FDXR: variants seen among roughly 807,000 people sequenced by gnomAD.
FDXR encodes NADPH:adrenodoxin oxidoreductase, mitochondrial.
FDXR carries 38 observed loss-of-function variants against 58.3 expected under a neutral mutation model. The ratio of observed to expected loss-of-function variants is 0.65; its 90% confidence interval spans 0.50 to 0.85. The LOEUF is 0.85. Ranked by LOEUF, FDXR falls within the 40% of genes least tolerant of loss-of-function variation. The pLI is 0.00. For missense variants in FDXR, 624 were observed against 671.0 expected (o/e 0.93, Z 0.77); for synonymous variants, 275 against 273.8 (o/e 1.00, Z -0.04).
chr17:74,871,085 G>A (rs1178748310), intron 2 of FDXR, among the ~76,000 whole-genome samples: 1 of 152,144 alleles, frequency 6.6e-6, no homozygotes, highest in African/African-American at 2.4e-5. Flanking sequence ...TTACAGACAT[G>A]AGCCACCTGG....
chr17:74,872,832 C>T, intron 1 of FDXR, 34 bp downstream of exon 1: 2 of 1,544,138 alleles, frequency 1.3e-6, no homozygotes, highest in Non-Finnish European at 1.7e-6. Context: ...CCTCCCCGCG[C>T]TCCCATCCAG....
chr17:74,870,081 A>G (rs2038320687), intron 2 of FDXR: 1 of 404,578 alleles, frequency 2.5e-6, no homozygotes, highest in Non-Finnish European at 5.3e-6. Flanking sequence ...TCTTAGGAGC[A>G]CAGCCAGTAG....
In FDXR at chr17:74,872,940, G is replaced by GCCAT; in HGVS notation, c.1_4dup (p.Ala2AspfsTer85). ...GCCCCACCAGCGCCAGCAGCGCGAA[G>GCCAT]CCATGGCTGGGAGCAGCAACCTGCA... On this transcript the variant is annotated frameshift_variant, in exon 1 of 12. Coordinates refer to ENST00000293195, the MANE Select transcript of FDXR (RefSeq NM_024417.5). LOFTEE classifies it high-confidence loss of function. 3.2e-6 allele frequency: 5 copies of GCCAT among 1,555,676 alleles called. No individual in the cohort carries two copies. Among genetic ancestry groups the GCCAT allele is most frequent in the Non-Finnish European group, 4.3e-6 (5 of 1,150,076 alleles).
Position 74,866,111 on chromosome 17 carries a change from G to T in FDXR, c.507+20C>A, listed in dbSNP as rs781115825. On this transcript the variant is annotated intron_variant, in intron 5 of 11. Coordinates refer to ENST00000293195, the MANE Select transcript of FDXR (RefSeq NM_024417.5). ...GAGGGGCGGGGAGGAAGAGGCAGCG[G>T]GCGTGCTCCCCATACTCACCTCCTG... 7.7e-6 allele frequency: 12 copies of T among 1,555,954 alleles called. No individual in the cohort carries two copies. The highest frequency in any genetic ancestry group is 1.1e-5 in the Non-Finnish European group (12 of 1,129,786).
intron 2 of FDXR, among the ~76,000 whole-genome samples, chr17:74,870,714 C>A (rs1352345793): frequency 6.6e-6 from 1 of 151,584 alleles, no homozygotes; most frequent in Non-Finnish European, 1.5e-5. Flanking sequence ...CAAGGCCTTG[C>A]ATTCCAGGAT....
At position 74,863,065 on chromosome 17, in the gene FDXR, G is replaced by A. The variant is rs779105566; in HGVS notation, c.1345+11C>T. The A allele has an allele frequency of 3.2e-5, 52 of 1,608,578 alleles. No individual in the cohort carries two copies. Among genetic ancestry groups the A allele is most frequent in the Middle Eastern group, 1.6e-4 (1 of 6,070 alleles). ...CCCCACCTCCCAGGACCTCAGCATC[G>A]GGGCCCAGACCTCGGCTGCTGAGCA... On this transcript the variant is annotated intron_variant, in intron 11 of 11. Coordinates refer to ENST00000293195, the MANE Select transcript of FDXR (RefSeq NM_024417.5).
intron 10 of FDXR, 65 bp from the exon 11 acceptor site, chr17:74,863,311 C>G: frequency 6.8e-7 from 1 of 1,471,256 alleles, no homozygotes; most frequent in Non-Finnish European, 9.2e-7. Flanking sequence ...CCATCCTGTG[C>G]CCACAATCTA....
chr17:74,872,669 G>T, intron 1 of FDXR, 197 bp downstream of exon 1: 1 of 1,234,348 alleles, frequency 8.1e-7, no homozygotes, highest in Non-Finnish European at 1.1e-6. Flanking sequence ...GTTGACCTCC[G>T]TCTCTAACCC....
At chr17:74,872,461 C>T in intron 1 of FDXR, 1 of 648,000 alleles carries the variant, frequency 1.5e-6, no homozygotes, top group Non-Finnish European at 2.6e-6. Context: ...AATCTCGCCC[C>T]CGTGGGTCTC....
chr17:74,870,591 T>TA (rs112059939), intron 2 of FDXR, among the ~76,000 whole-genome samples: 42 of 146,978 alleles, frequency 2.9e-4, no homozygotes, highest in East Asian at 8.2e-4. Flanking sequence ...CAGGATCAGC[T>TA]AAAAAAAAAC....
intron 4 of FDXR, 84 bp from the exon 5 acceptor site, chr17:74,866,328 C>A (rs2038181827): frequency 6.4e-7 from 1 of 1,568,432 alleles, no homozygotes; most frequent in East Asian, 2.3e-5. Context: ...TCCCAGCGGC[C>A]TCCTTCCAGC....
Position 74,866,503 on chromosome 17 carries a change from C to A in FDXR, c.336G>T (p.Glu112Asp). Residue 112 changes from glutamate to aspartate, a missense_variant, in exon 4 of 12, where the codon GAG becomes GAT. Coordinates refer to ENST00000293195, the MANE Select transcript of FDXR (RefSeq NM_024417.5). ...SGRCAFWGNVEVGRDVTVPEL... is the reference protein window; with the variant it reads ...SGRCAFWGNVDVGRDVTVPEL... Reference sequence around the variant, plus strand: ...CCGGCACCGTCACGTCCCTGCCCACCTCCACGTTGCCCCAGAAGGCACAGC... The same window carrying A: ...CCGGCACCGTCACGTCCCTGCCCACATCCACGTTGCCCCAGAAGGCACAGC... The A allele has an allele frequency of 6.2e-7, 1 of 1,613,832 alleles. No individual in the cohort carries two copies. The highest frequency in any genetic ancestry group is 8.5e-7 in the Non-Finnish European group (1 of 1,180,010).
At chr17:74,868,912 C>T (rs1435299396) in intron 2 of FDXR, among the ~76,000 whole-genome samples, 1 of 152,142 alleles carries the variant, frequency 6.6e-6, no homozygotes, top group East Asian at 1.9e-4. Flanking sequence ...GGATGTCCCA[C>T]CCCAGACATC....
At chr17:74,871,411 C>T (rs34837106) in intron 2 of FDXR, among the ~76,000 whole-genome samples, 15,107 of 152,292 alleles carry the variant, frequency 0.099, 2,295 homozygotes, top group African/African-American at 0.33. Flanking sequence ...AACTGTCTCA[C>T]GTCTCAGTTA....
Position 74,866,208 on chromosome 17 carries a change from G to T in FDXR, c.430C>A (p.Pro144Thr), listed in dbSNP as rs200778123. Residue 144 changes from proline (P) to threonine (T), a missense_variant, in exon 5 of 12, where the codon CCT becomes ACT. By Grantham distance (38) the Pro-to-Thr change is conservative (BLOSUM62 -1). Transcript: ENST00000293195. Reference protein sequence around the residue: ...GAEDHRALEIPGEELPGVCSA... With the variant: ...GAEDHRALEITGEELPGVCSA... The stretch of plus-strand genomic sequence containing the variant: ...CACACACCTGGCAGCTCCTCACCAG[G>T]AATTTCCAGGGCCCGATGGTCCTCT... 138 of 1,613,872 alleles carry T rather than the reference G, an allele frequency of 8.6e-5. No homozygotes were observed. Among genetic ancestry groups the T allele is most frequent in the Non-Finnish European group, 1.1e-4 (134 of 1,180,002 alleles).
Position 74,872,885 on chromosome 17 carries a change from A to T in FDXR, c.60T>A (p.Pro20=). 1 of 1,549,892 alleles carries T rather than the reference A, an allele frequency of 6.5e-7. No individual in the cohort carries two copies. The change falls in exon 1 of 12, where the codon CCT becomes CCA. Residue 20 remains proline, a synonymous_variant. Transcript: ENST00000293195. The stretch of plus-strand genomic sequence containing the variant: ...TCCTACTCGGGGTGCTCCCGGCGGG[A>T]GGCAGCCGGGTCCGAGGCCACGCCG... ...GWSAWPRTRL[P]PAGSTPSFCH...
At position 74,868,363 on chromosome 17, in the gene FDXR, T is replaced by TA; in HGVS notation, c.178-1488dup. 6.0e-6 allele frequency: 4 copies of TA among 662,496 alleles called. No individual in the cohort carries two copies. In the South Asian group the frequency reaches 6.7e-5, roughly 11 times the overall value. 41.0% of individuals were successfully genotyped at this position (662,496 alleles called of 1,614,324 possible). The stretch of plus-strand genomic sequence containing the variant: ...AGCCCTGTGGTGTCCTGCTCAAGGT[T>TA]AAATGAGTAATCAGGCAGCCCGGGG... On this transcript the variant is annotated intron_variant, in intron 2 of 11. Transcript: ENST00000293195.
chr17:74,868,931 A>G (rs568505649), intron 2 of FDXR, among the ~76,000 whole-genome samples: 57 of 152,044 alleles, frequency 3.7e-4, no homozygotes, highest in African/African-American at 1.4e-3. Context: ...TCTCAAATCC[A>G]TCCAGTTTCA....
At position 74,863,170 on chromosome 17, in the gene FDXR, G is replaced by A. The variant is rs144219914; in HGVS notation, c.1251C>T (p.Thr417=). 19 of 1,613,722 alleles carry A rather than the reference G, an allele frequency of 1.2e-5. No homozygotes were observed. Among genetic ancestry groups the A allele is most frequent in the Admixed American group, 6.7e-5 (4 of 59,984 alleles). Residue 417 remains threonine, a synonymous_variant, in exon 11 of 12, where the codon ACC becomes ACT. Coordinates refer to ENST00000293195, the MANE Select transcript of FDXR (RefSeq NM_024417.5). ...IATTMTDSFL[T]GQMLLQDLKA... is the part of the protein sequence containing the mutation. Reference sequence around the variant, plus strand: ...TCAGGTCCTGCAGCAGCATCTGGCCGGTGAGGAAGCTGTCAGTCATGGTTG... The same window carrying A: ...TCAGGTCCTGCAGCAGCATCTGGCCAGTGAGGAAGCTGTCAGTCATGGTTG...
Sources: gnomAD v4.1 joint callset for allele counts (sites outside exome capture counted in the v4.1 genomes callset) on GRCh38, gnomAD v4.1.1 for gene constraint, MANE v1.5 for transcripts, NCBI Gene and HGNC (gene_info 2026-07-23, HGNC 2026-07-21) for gene names.